The following CNTNAP2 variants were observed in gnomAD, a reference collection of about 807,000 sequenced individuals.
CNTNAP2 encodes the protein contactin-associated protein-like 2.
In CNTNAP2, 98 loss-of-function variants were observed where a neutral mutation model predicts 155.2. That is an observed-to-expected ratio of 0.63 (90% confidence interval 0.54 to 0.75). The LOEUF is 0.75. Ranked by LOEUF, CNTNAP2 falls within the 30% of genes least tolerant of loss-of-function variation. The pLI, the probability that CNTNAP2 is intolerant of heterozygous loss-of-function variation, is 0.00. For missense variants in CNTNAP2, 1,727 were observed against 1,688.1 expected (o/e 1.02, Z -0.40); for synonymous variants, 651 against 631.2 (o/e 1.03, Z -0.47).
intron 1 of CNTNAP2, among the ~76,000 whole-genome samples, chr7:146,334,028 A>C (rs1563042940): frequency 6.6e-6 from 1 of 152,234 alleles, no homozygotes; most frequent in Non-Finnish European, 1.5e-5. Context: ...ATAGTTACCC[A>C]GTCTCCACCA....
chr7:147,283,489 T>C (rs139765004), intron 8 of CNTNAP2, among the ~76,000 whole-genome samples: 2 of 151,992 alleles, frequency 1.3e-5, no homozygotes, highest in East Asian at 3.9e-4. Flanking sequence ...CCAAAAACAA[T>C]ATAATTGTGC....
At chr7:146,668,024 A>T (rs980670001) in intron 1 of CNTNAP2, among the ~76,000 whole-genome samples, 1 of 152,054 alleles carries the variant, frequency 6.6e-6, no homozygotes, top group South Asian at 2.1e-4. Context: ...GCAAGTGGTG[A>T]GTGTTAGCAT....
intron 8 of CNTNAP2, among the ~76,000 whole-genome samples, chr7:147,235,345 GGTGTGTGTGT>G (rs60072934): frequency 5.7e-5 from 8 of 140,974 alleles, no homozygotes; most frequent in African/African-American, 8.0e-5. Context: ...TGGAGTTTTT[GGTGTGTGTGT>G]GTGTGTGTGT....
intron 1 of CNTNAP2, among the ~76,000 whole-genome samples, chr7:146,530,720 A>G (rs1193292501): frequency 6.6e-6 from 1 of 152,210 alleles, no homozygotes; most frequent in African/African-American, 2.4e-5. Flanking sequence ...AAGTCAAAAA[A>G]TAACAGATGC....
intron 10 of CNTNAP2, among the ~76,000 whole-genome samples, chr7:147,407,467 C>CAAAAAA (rs768738493): frequency 1.5e-4 from 10 of 64,906 alleles, no homozygotes; most frequent in East Asian, 6.0e-4. Flanking sequence ...GACTCCCTCT[C>CAAAAAA]AAAAAAAAAA....
rs184561954 is a variant in CNTNAP2, at chr7:146,787,423, T to C, written c.208+13042T>C. 2.6e-5 allele frequency among the ~76,000 whole-genome samples: 4 copies of C among 152,236 alleles called. No individual in the cohort carries two copies. The East Asian group carries it at 7.8e-4, about 30-fold the overall frequency. On this transcript the variant is annotated intron_variant, in intron 2 of 23. Transcript: ENST00000361727. The stretch of plus-strand genomic sequence containing the variant: ...TTTCTTCCTTCTGGCGGGTTCGTGG[T>C]CTCGCTGACTTCAGGAATGAAGCTG...
intron 21 of CNTNAP2, among the ~76,000 whole-genome samples, chr7:148,383,132 G>T (rs1015101345): frequency 6.6e-6 from 1 of 152,048 alleles, no homozygotes; most frequent in African/African-American, 2.4e-5. Context: ...GAATTCCAAG[G>T]GGATTGGATT....
At chr7:146,735,033 T>A (rs998292596) in intron 1 of CNTNAP2, among the ~76,000 whole-genome samples, 3 of 152,214 alleles carry the variant, frequency 2.0e-5, no homozygotes, top group Non-Finnish European at 2.9e-5. Context: ...AAGAGTCTTT[T>A]GAAAATATGC....
chr7:147,429,687 T>C (rs895042358), intron 10 of CNTNAP2, among the ~76,000 whole-genome samples: 11 of 152,218 alleles, frequency 7.2e-5, no homozygotes, highest in Non-Finnish European at 1.5e-5. Context: ...CTAGAATTTT[T>C]ATCGTTTCAC....
chr7:148,367,393 G>A (rs919848167), intron 21 of CNTNAP2, among the ~76,000 whole-genome samples: 1 of 151,860 alleles, frequency 6.6e-6, no homozygotes, highest in African/African-American at 2.4e-5. Context: ...AAGGAAAAAT[G>A]TTCTAATATA....
chr7:148,269,586 GTTAC>G, intron 21 of CNTNAP2, among the ~76,000 whole-genome samples: 1 of 152,320 alleles, frequency 6.6e-6, no homozygotes, highest in African/African-American at 2.4e-5. Flanking sequence ...TTTGACAAAA[GTTAC>G]TCAACTAATA....
At chr7:147,240,123 C>A (rs1584812838) in intron 8 of CNTNAP2, among the ~76,000 whole-genome samples, 1 of 152,054 alleles carries the variant, frequency 6.6e-6, no homozygotes, top group Admixed American at 6.5e-5. Context: ...TAGTATTTAG[C>A]CTGGCAACAT....
chr7:147,253,710 C>T (rs551892706), intron 8 of CNTNAP2, among the ~76,000 whole-genome samples: 4 of 152,168 alleles, frequency 2.6e-5, no homozygotes, highest in East Asian at 1.9e-4. Flanking sequence ...TTAAAAGAGC[C>T]TTTCTTCCAG....
At chr7:146,132,155 C>T (rs557144220) in intron 1 of CNTNAP2, among the ~76,000 whole-genome samples, 8 of 152,248 alleles carry the variant, frequency 5.3e-5, no homozygotes, top group Admixed American at 2.0e-4. Flanking sequence ...ATTACAGTCT[C>T]TGCTAAAATA....
chr7:148,383,962 T>C (rs1275083338), intron 22 of CNTNAP2, 74 bp downstream of exon 22: 1 of 1,541,904 alleles, frequency 6.5e-7, no homozygotes, highest in African/African-American at 1.4e-5. Flanking sequence ...ATGGAATGGA[T>C]TTAATAACAG....
At chr7:147,913,616 T>C (rs1455575288) in intron 14 of CNTNAP2, among the ~76,000 whole-genome samples, 1 of 152,172 alleles carries the variant, frequency 6.6e-6, no homozygotes, top group Non-Finnish European at 1.5e-5. Context: ...CTAACATCAG[T>C]CTGGAAAACA....
At chr7:146,539,918 G>A (rs1266407703) in intron 1 of CNTNAP2, among the ~76,000 whole-genome samples, 1 of 152,090 alleles carries the variant, frequency 6.6e-6, no homozygotes, top group Non-Finnish European at 1.5e-5. Context: ...GGAAGACTGA[G>A]TTTATTAAGC....
At chr7:146,484,464 A>G (rs1797025473) in intron 1 of CNTNAP2, among the ~76,000 whole-genome samples, 1 of 152,200 alleles carries the variant, frequency 6.6e-6, no homozygotes, top group African/African-American at 2.4e-5. Context: ...ATTTTGTTTT[A>G]AACTTTTTTG....
chr7:146,469,271 C>T (rs10952644), intron 1 of CNTNAP2, among the ~76,000 whole-genome samples: 17,473 of 151,888 alleles, frequency 0.12, 1,075 homozygotes, highest in African/African-American at 0.16. Flanking sequence ...CTTCCCCTCC[C>T]TTTCACCAGT....
Sources: gnomAD v4.1 joint callset for allele counts (sites outside exome capture counted in the v4.1 genomes callset) on GRCh38, gnomAD v4.1.1 for gene constraint, MANE v1.5 for transcripts, NCBI Gene and HGNC (gene_info 2026-07-23, HGNC 2026-07-21) for gene names.